Variants in CACNB2 observed in about 807,000 individuals in gnomAD.
CACNB2 encodes voltage-dependent L-type calcium channel subunit beta-2.
Under a neutral mutation model 73.3 loss-of-function variants are expected in CACNB2, and 42 were observed. The observed-to-expected ratio is 0.57, with a 90% CI of 0.45 to 0.74. CACNB2 has a LOEUF of 0.74. CACNB2 is among the 30% of genes least tolerant of loss of function. The pLI is 0.00. For synonymous variants in CACNB2, 348 were observed against 310.3 expected (o/e 1.12, Z -1.28); for missense variants, 940 against 853.0 (o/e 1.10, Z -1.27).
At chr10:18,404,521 C>A (rs2044177527) in intron 3 of CACNB2, among the ~76,000 whole-genome samples, 1 of 152,148 alleles carries the variant, frequency 6.6e-6, no homozygotes, top group Non-Finnish European at 1.5e-5. Flanking sequence ...CTTTGCACAG[C>A]CATTTTGGAA....
intron 9 of CACNB2, among the ~76,000 whole-genome samples, chr10:18,519,324 A>T (rs1038744724): frequency 6.6e-6 from 1 of 151,756 alleles, no homozygotes; most frequent in African/African-American, 2.4e-5. Flanking sequence ...CTTCTGTGCC[A>T]TCTCCCCCTC....
intron 3 of CACNB2, among the ~76,000 whole-genome samples, chr10:18,490,817 G>A (rs565574991): frequency 7.1e-6 from 1 of 141,546 alleles, no homozygotes; most frequent in African/African-American, 2.5e-5. Flanking sequence ...CTACAGCTAT[G>A]ACCAAGCCTT....
chr10:18,390,238 A>G (rs967410356), intron 2 of CACNB2, among the ~76,000 whole-genome samples: 2 of 152,176 alleles, frequency 1.3e-5, no homozygotes, highest in Non-Finnish European at 2.9e-5. Flanking sequence ...CTTGAGACGG[A>G]GTCTCACTCC....
At chr10:18,281,028 A>G (rs1323873040) in intron 2 of CACNB2, among the ~76,000 whole-genome samples, 2 of 152,174 alleles carry the variant, frequency 1.3e-5, no homozygotes, top group African/African-American at 4.8e-5. Context: ...TGGGCTTTCC[A>G]TATTTTGTAG....
chr10:18,196,256 G>C (rs1392700148), intron 2 of CACNB2, among the ~76,000 whole-genome samples: 1 of 147,270 alleles, frequency 6.8e-6, no homozygotes, highest in East Asian at 2.0e-4. Flanking sequence ...CTACTAAGCT[G>C]TTTAACAATA....
At chr10:18,357,133 C>T (rs1257822041) in intron 2 of CACNB2, among the ~76,000 whole-genome samples, 1 of 149,614 alleles carries the variant, frequency 6.7e-6, no homozygotes, top group Admixed American at 6.7e-5. Flanking sequence ...TTAGTAGAGA[C>T]GGGGTTTCAC....
At position 18,404,533 on chromosome 10, in the gene CACNB2, A is replaced by C. The variant is rs555507842; in HGVS notation, c.333+2490A>C. On this transcript the variant is annotated intron_variant, in intron 3 of 13. Coordinates refer to ENST00000324631, the MANE Select transcript of CACNB2 (RefSeq NM_201596.3). Reference sequence around the variant, plus strand: ...ACACTTTGCACAGCCATTTTGGAAGAATCAGACATTTTCTACATTTACTTC... The same window carrying C: ...ACACTTTGCACAGCCATTTTGGAAGCATCAGACATTTTCTACATTTACTTC... Among the ~76,000 whole-genome samples the C allele has an allele frequency of 1.1e-4, 17 of 152,360 alleles. No homozygotes were observed. The South Asian group carries it at 2.5e-3, about 22-fold the overall frequency.
At chr10:18,151,193 A>C (rs2031525128) in intron 2 of CACNB2, 1 of 500,378 alleles carries the variant, frequency 2.0e-6, no homozygotes, top group Non-Finnish European at 3.5e-6. Context: ...GAGGAAAGAG[A>C]AGTGTGGCAT....
At chr10:18,515,118 C>T (rs1312957458) in intron 7 of CACNB2, 10 of 1,204,526 alleles carry the variant, frequency 8.3e-6, no homozygotes. Flanking sequence ...TTTACCATCT[C>T]ACCCTTTGGA....
chr10:18,389,694 A>G (rs927395152), intron 2 of CACNB2, among the ~76,000 whole-genome samples: 1 of 152,246 alleles, frequency 6.6e-6, no homozygotes, highest in Non-Finnish European at 1.5e-5. Context: ...GTCTAGTTAC[A>G]CATAGAAAGT....
intron 3 of CACNB2, among the ~76,000 whole-genome samples, chr10:18,429,130 T>C (rs1403070221): frequency 6.6e-6 from 1 of 152,242 alleles, no homozygotes; most frequent in Non-Finnish European, 1.5e-5. Flanking sequence ...TCTTTATGTG[T>C]CTGAAGGAAA....
chr10:18,316,365 A>G (rs2040184203), intron 2 of CACNB2, among the ~76,000 whole-genome samples: 2 of 152,172 alleles, frequency 1.3e-5, no homozygotes, highest in Admixed American at 6.5e-5. Context: ...GGCCTGATAA[A>G]TCAAAGGAAA....
chr10:18,228,678 C>T (rs1225358983), intron 2 of CACNB2, among the ~76,000 whole-genome samples: 1 of 152,062 alleles, frequency 6.6e-6, no homozygotes, highest in East Asian at 1.9e-4. Flanking sequence ...CAATGACTTG[C>T]AGAGACAGCC....
intron 2 of CACNB2, among the ~76,000 whole-genome samples, chr10:18,390,756 A>G (rs2132446292): frequency 6.6e-6 from 1 of 152,368 alleles, no homozygotes; most frequent in East Asian, 1.9e-4. Flanking sequence ...CATAAGAAGT[A>G]AATCAACAGT....
chr10:18,440,638 C>G (rs927002535), intron 3 of CACNB2, among the ~76,000 whole-genome samples: 5 of 150,834 alleles, frequency 3.3e-5, no homozygotes, highest in African/African-American at 9.8e-5. Flanking sequence ...AAGGCCCTAT[C>G]CCCCACCCCC....
rs913306408 is a variant in CACNB2 at position 18,290,793 on chromosome 10, A to G, written c.214-111131A>G. 2.0e-5 allele frequency among the ~76,000 whole-genome samples: 3 copies of G among 152,224 alleles called. No individual in the cohort carries two copies. In the South Asian group the frequency reaches 6.2e-4, roughly 32 times the overall value. ...GGGGAAGGCAGAGGTCCGCCTGTAT[A>G]ATCCGATTTCATCAACTCACACTAA... On this transcript the variant is annotated intron_variant, in intron 2 of 13. Transcript: ENST00000324631.
At chr10:18,312,867 T>A (rs988973580) in intron 2 of CACNB2, among the ~76,000 whole-genome samples, 5 of 152,150 alleles carry the variant, frequency 3.3e-5, no homozygotes, top group African/African-American at 1.2e-4. Flanking sequence ...GACATTGACT[T>A]TTTTAGCCAC....
chr10:18,335,816 C>CACACACACAT (rs1564446274), intron 2 of CACNB2, among the ~76,000 whole-genome samples: 2 of 151,628 alleles, frequency 1.3e-5, no homozygotes, highest in African/African-American at 4.8e-5. Flanking sequence ...CACACACACA[C>CACACACACAT]ACACACACAT....
Position 18,141,108 on chromosome 10 carries a change from C to A in CACNB2, c.120+252C>A, listed in dbSNP as rs931563959. ...GGAAGGGCGGGGGAGACCTGCCAGT[C>A]CTCCCAGACTTCTCCCGGGTTGCTC... On this transcript the variant is annotated intron_variant, in intron 1 of 13. Transcript: ENST00000324631. 2.1e-5 allele frequency: 33 copies of A among 1,549,336 alleles called. No individual in the cohort carries two copies. In the African/African-American group the frequency reaches 4.2e-4, roughly 20 times the overall value.
Sources: gnomAD v4.1 joint callset for allele counts (sites outside exome capture counted in the v4.1 genomes callset) on GRCh38, gnomAD v4.1.1 for gene constraint, MANE v1.5 for transcripts, NCBI Gene and HGNC (gene_info 2026-07-23, HGNC 2026-07-21) for gene names.